The following CAMK2D variants were observed in gnomAD, a reference collection of about 807,000 sequenced individuals.
CAMK2D encodes the protein calcium/calmodulin dependent protein kinase II delta.
In CAMK2D, 37 loss-of-function variants were observed where a neutral mutation model predicts 84.0. That is an observed-to-expected ratio of 0.44 (90% CI 0.34 to 0.58). The LOEUF (loss-of-function observed/expected upper bound fraction) is 0.58, where lower values mean the gene tolerates loss of function less well. CAMK2D is among the 20% of genes least tolerant of loss of function. The pLI is 0.02. For missense variants in CAMK2D, 448 were observed against 652.5 expected (o/e 0.69, Z 3.41); for synonymous variants, 202 against 212.5 (o/e 0.95, Z 0.43).
intron 4 of CAMK2D, among the ~76,000 whole-genome samples, chr4:113,560,202 C>G (rs2098691614): frequency 6.6e-6 from 1 of 151,862 alleles, no homozygotes; most frequent in African/African-American, 2.4e-5. Flanking sequence ...ACCAAGTTCT[C>G]CAGTGAGCGA....
chr4:113,740,790 A>T (rs1001423289), intron 2 of CAMK2D, among the ~76,000 whole-genome samples: 2 of 152,076 alleles, frequency 1.3e-5, no homozygotes, highest in Non-Finnish European at 2.9e-5. Context: ...TTCTAATGTC[A>T]CCTTCACATC....
chr4:113,611,322 A>C (rs72678764), intron 3 of CAMK2D, among the ~76,000 whole-genome samples: 2 of 152,140 alleles, frequency 1.3e-5, no homozygotes, highest in Non-Finnish European at 1.5e-5. Context: ...AGTTTCAGAG[A>C]TATCTCACTT....
At chr4:113,569,600 AC>A (rs1310663594) in intron 4 of CAMK2D, among the ~76,000 whole-genome samples, 1 of 152,232 alleles carries the variant, frequency 6.6e-6, no homozygotes, top group Non-Finnish European at 1.5e-5. Context: ...TATACCTGTT[AC>A]CAGATTTTTA....
chr4:113,614,843 T>C (rs1308806712), intron 3 of CAMK2D, among the ~76,000 whole-genome samples: 1 of 152,104 alleles, frequency 6.6e-6, no homozygotes, highest in Admixed American at 6.6e-5. Flanking sequence ...TAAGCAAATT[T>C]AGCAGAAAAA....
chr4:113,593,487 A>T (rs992390743), intron 4 of CAMK2D, among the ~76,000 whole-genome samples: 2 of 152,204 alleles, frequency 1.3e-5, no homozygotes, highest in African/African-American at 4.8e-5. Flanking sequence ...AGTCTGAAAG[A>T]TAAAAACTTT....
chr4:113,676,428 A>G (rs139268655), intron 2 of CAMK2D, among the ~76,000 whole-genome samples: 7 of 152,116 alleles, frequency 4.6e-5, no homozygotes, highest in African/African-American at 1.7e-4. Flanking sequence ...TTTTCAAACC[A>G]TCAGGAATAC....
At chr4:113,584,661 G>C (rs535518513) in intron 4 of CAMK2D, among the ~76,000 whole-genome samples, 1 of 152,200 alleles carries the variant, frequency 6.6e-6, no homozygotes, top group East Asian at 1.9e-4. Flanking sequence ...TCCAGAGAAG[G>C]GGGTGTACCT....
intron 4 of CAMK2D, 86 bp from the exon 5 acceptor site, chr4:113,552,182 G>T (rs2098633841): frequency 1.4e-6 from 1 of 697,014 alleles, no homozygotes; most frequent in Non-Finnish European, 2.5e-6. Flanking sequence ...TCATATAGCT[G>T]TTTTTCTTAG....
intron 4 of CAMK2D, among the ~76,000 whole-genome samples, chr4:113,590,751 A>G (rs1486023258): frequency 5.2e-5 from 1 of 19,216 alleles, no homozygotes; most frequent in Non-Finnish European, 1.9e-4. Context: ...CTTTAAAACA[A>G]AAGTAACATC....
Position 113,761,184 on chromosome 4 carries a change from T to C in CAMK2D, c.-116A>G, listed in dbSNP as rs959558638. 6.7e-7 allele frequency: 1 copy of C among 1,488,622 alleles called. No individual in the cohort carries two copies. The highest frequency in any genetic ancestry group is 1.1e-5 in the South Asian group (1 of 88,882). 92.2% of individuals were successfully genotyped at this position (1,488,622 alleles called of 1,614,324 possible). ...TCACCCAGGGCCGCTCTTACTTTCC[T>C]GGTCCGAAAGTAGCTCGCCCGCGAG... On this transcript the variant is annotated 5_prime_UTR_variant, in exon 1 of 21. Coordinates refer to ENST00000511664, the MANE Select transcript of CAMK2D (RefSeq NM_001321571.2).
At chr4:113,756,058 C>G (rs1004911916) in intron 2 of CAMK2D, among the ~76,000 whole-genome samples, 1 of 151,910 alleles carries the variant, frequency 6.6e-6, no homozygotes, top group African/African-American at 2.4e-5. Context: ...GTTCTATGCA[C>G]GCACATGCTA....
intron 2 of CAMK2D, among the ~76,000 whole-genome samples, chr4:113,669,664 G>GTCTGTCTGTGTGTCTGTCATTCTGT (rs2099271907): frequency 6.6e-6 from 1 of 152,158 alleles, no homozygotes; most frequent in South Asian, 2.1e-4. Context: ...GCCTCTGTCT[G>GTCTGTCTGTGTGTCTGTCATTCTGT]TCTGTCTGTG....
chr4:113,584,538 A>G (rs1403248886), intron 4 of CAMK2D, among the ~76,000 whole-genome samples: 2 of 152,218 alleles, frequency 1.3e-5, no homozygotes, highest in Non-Finnish European at 2.9e-5. Context: ...CAGGCTCAGC[A>G]ATCATGAACC....
At chr4:113,497,855 G>T (rs184140990) in intron 16 of CAMK2D, among the ~76,000 whole-genome samples, 4 of 152,372 alleles carry the variant, frequency 2.6e-5, no homozygotes, top group Admixed American at 2.6e-4. Context: ...GCAATGGGTA[G>T]AGCAAGTGCT....
intron 3 of CAMK2D, among the ~76,000 whole-genome samples, chr4:113,645,768 A>C (rs934361927): frequency 6.6e-6 from 1 of 152,110 alleles, no homozygotes; most frequent in African/African-American, 2.4e-5. Context: ...CTGGAGTATC[A>C]TCAAAATGCT....
intron 2 of CAMK2D, among the ~76,000 whole-genome samples, chr4:113,736,646 C>A (rs1222778306): frequency 6.6e-6 from 1 of 152,166 alleles, no homozygotes; most frequent in Admixed American, 6.5e-5. Context: ...CACTGCAATG[C>A]AATGTACAGG....
In CAMK2D at chr4:113,761,074, G is replaced by A; in HGVS notation, c.-6C>T. ...CAGGTTGTGGTCGAAGCCATCCTCG[G>A]TCCGGGCTGTGCCCTGGCTGGGAGC... On this transcript the variant is annotated 5_prime_UTR_variant, in exon 1 of 21. Transcript: ENST00000511664. 1 of 1,614,100 alleles carries A rather than the reference G, an allele frequency of 6.2e-7. No homozygotes were observed. The highest frequency in any genetic ancestry group is 1.1e-5 in the South Asian group (1 of 91,082).
Position 113,609,192 on chromosome 4 carries a change from T to C in CAMK2D, c.235A>G (p.Ser79Gly). The C allele has an allele frequency of 6.3e-7, 1 of 1,580,896 alleles. No individual in the cohort carries two copies. Among genetic ancestry groups the C allele is most frequent in the Non-Finnish European group, 8.7e-7 (1 of 1,149,968 alleles). The change falls in exon 4 of 21, where the codon AGC becomes GGC. Residue 79 changes from serine (S) to glycine (G), a missense_variant. Physicochemically the swap from Ser to Gly is moderately conservative, Grantham distance 56. Transcript: ENST00000511664. ...TAGTGAAAGCCCTCTTCTGATATGC[T>C]ATCATGAAGTCGCACTAGAAAAAAA... ...KHPNIVRLHD[S>G]ISEEGFHYLV...
intron 4 of CAMK2D, among the ~76,000 whole-genome samples, chr4:113,607,759 G>A (rs926200774): frequency 1.4e-4 from 22 of 152,224 alleles, no homozygotes; most frequent in African/African-American, 2.2e-4. Context: ...ACTAAAAAGC[G>A]TTACTGCTCA....
Sources: gnomAD v4.1 joint callset for allele counts (sites outside exome capture counted in the v4.1 genomes callset) on GRCh38, gnomAD v4.1.1 for gene constraint, MANE v1.5 for transcripts, NCBI Gene and HGNC (gene_info 2026-07-23, HGNC 2026-07-21) for gene names.